Variants in KHDRBS3 observed in about 807,000 individuals in gnomAD.
KHDRBS3 encodes the protein KH domain-containing, RNA-binding, signal transduction-associated protein 3.
KHDRBS3 carries 23 observed loss-of-function variants against 45.6 expected under a neutral mutation model. The observed-to-expected ratio is 0.50, with a 90% CI of 0.36 to 0.72. The LOEUF is 0.72. Among genes scored for constraint, KHDRBS3 ranks in the 30% least tolerant of loss-of-function variants. The pLI is 0.00. For synonymous variants in KHDRBS3, 162 were observed against 156.5 expected, an observed-to-expected ratio of 1.04 and a Z score of -0.26; for missense variants, 352 against 424.8, an observed-to-expected ratio of 0.83 and a Z score of 1.51.
intron 4 of KHDRBS3, among the ~76,000 whole-genome samples, chr8:135,550,290 A>C (rs1826523369): frequency 6.6e-6 from 1 of 152,166 alleles, no homozygotes; most frequent in Non-Finnish European, 1.5e-5. Flanking sequence ...CTCACACAGA[A>C]TCTGGACTGG....
intron 1 of KHDRBS3, among the ~76,000 whole-genome samples, chr8:135,459,890 A>G (rs964752375): frequency 6.6e-6 from 1 of 152,196 alleles, no homozygotes; most frequent in Non-Finnish European, 1.5e-5. Context: ...TGATAAACTT[A>G]CTTTTCATAG....
intron 1 of KHDRBS3, among the ~76,000 whole-genome samples, chr8:135,505,871 CA>C (rs57494667): frequency 0.088 from 13,406 of 151,832 alleles, 1,004 homozygotes; most frequent in African/African-American, 0.21. Flanking sequence ...AGTTTAGAAC[CA>C]TCACTCTGAT....
intron 7 of KHDRBS3, among the ~76,000 whole-genome samples, chr8:135,615,536 T>A (rs994312428): frequency 6.6e-6 from 1 of 152,164 alleles, no homozygotes; most frequent in South Asian, 2.1e-4. Flanking sequence ...TATACTAGTG[T>A]TTTTCAAAGA....
chr8:135,584,083 C>T (rs1045085109), intron 6 of KHDRBS3, among the ~76,000 whole-genome samples: 1 of 152,132 alleles, frequency 6.6e-6, no homozygotes, highest in Non-Finnish European at 1.5e-5. Flanking sequence ...TTTTCCAGAA[C>T]CAGACAAAGG....
intron 5 of KHDRBS3, among the ~76,000 whole-genome samples, chr8:135,570,853 C>T (rs1440980633): frequency 6.6e-6 from 1 of 152,146 alleles, no homozygotes; most frequent in Non-Finnish European, 1.5e-5. Context: ...TGAAATCAGC[C>T]TTCAGTATTC....
intron 7 of KHDRBS3, among the ~76,000 whole-genome samples, chr8:135,618,350 T>C (rs1195635920): frequency 6.6e-6 from 1 of 152,182 alleles, no homozygotes; most frequent in Non-Finnish European, 1.5e-5. Flanking sequence ...GATAGTAATA[T>C]AATTAATTTA....
chr8:135,459,089 C>T (rs531628742), intron 1 of KHDRBS3, among the ~76,000 whole-genome samples: 1 of 152,164 alleles, frequency 6.6e-6, no homozygotes, highest in South Asian at 2.1e-4. Context: ...CTGTGGTTCC[C>T]TAGATGAATC....
At chr8:135,619,292 G>A (rs1830041722) in intron 7 of KHDRBS3, among the ~76,000 whole-genome samples, 1 of 151,998 alleles carries the variant, frequency 6.6e-6, no homozygotes, top group African/African-American at 2.4e-5. Context: ...TCATCCAATT[G>A]CAACCTTTTT....
chr8:135,565,965 T>A (rs1307684206), intron 5 of KHDRBS3, among the ~76,000 whole-genome samples: 1 of 152,166 alleles, frequency 6.6e-6, no homozygotes, highest in African/African-American at 2.4e-5. Context: ...TTGCCTAAGG[T>A]TTGATTTGGT....
At chr8:135,614,802 G>A (rs1413763140) in intron 7 of KHDRBS3, among the ~76,000 whole-genome samples, 4 of 151,826 alleles carry the variant, frequency 2.6e-5, no homozygotes, top group East Asian at 3.8e-4. Context: ...GCTTGTTAAA[G>A]CACAGTAAGG....
In KHDRBS3 at chr8:135,559,425, T is replaced by C. The variant is rs532859466; in HGVS notation, c.611+1838T>C. On this transcript the variant is annotated intron_variant, in intron 5 of 8. Transcript: ENST00000355849. ...TGGAGTGCAGTAGCACGATCTTGGC[T>C]CACTGCAACCTCCACCTCCCGGGTT... Among the ~76,000 whole-genome samples the C allele has an allele frequency of 3.9e-5, 6 of 152,336 alleles. No homozygotes were observed. In the East Asian group the frequency reaches 9.6e-4, roughly 24 times the overall value.
chr8:135,536,234 GTTTTTTT>G (rs374782370), intron 2 of KHDRBS3, among the ~76,000 whole-genome samples: 38 of 86,412 alleles, frequency 4.4e-4, no homozygotes, highest in African/African-American at 1.3e-3. Context: ...TTTCTGTCCA[GTTTTTTT>G]TTTTTTTTTT....
chr8:135,609,882 C>T (rs1308974187), intron 7 of KHDRBS3, among the ~76,000 whole-genome samples: 2 of 151,636 alleles, frequency 1.3e-5, no homozygotes, highest in Non-Finnish European at 2.9e-5. Flanking sequence ...AAAAGAGAAG[C>T]GACTTAATAT....
downstream of KHDRBS3, among the ~76,000 whole-genome samples, chr8:135,651,089 C>G (rs1002753132): frequency 5.3e-5 from 8 of 152,166 alleles, no homozygotes; most frequent in African/African-American, 1.9e-4. Flanking sequence ...ATGTGTAACC[C>G]AGGCAAGTTG....
intron 1 of KHDRBS3, among the ~76,000 whole-genome samples, chr8:135,511,107 G>A (rs1824261621): frequency 6.6e-6 from 1 of 152,084 alleles, no homozygotes; most frequent in African/African-American, 2.4e-5. Context: ...AGATCTCTCT[G>A]CTACAGTAAT....
chr8:135,493,746 T>C (rs1823274341), intron 1 of KHDRBS3, among the ~76,000 whole-genome samples: 1 of 152,178 alleles, frequency 6.6e-6, no homozygotes. Context: ...TATGTAGTTT[T>C]CTTTTTCTTG....
chr8:135,590,057 C>T (rs764436116), intron 6 of KHDRBS3, among the ~76,000 whole-genome samples: 6 of 152,134 alleles, frequency 3.9e-5, no homozygotes, highest in Non-Finnish European at 7.3e-5. Context: ...CATCATTAGG[C>T]GATTTCATCA....
chr8:135,579,303 C>T (rs1828091756), intron 5 of KHDRBS3, among the ~76,000 whole-genome samples: 1 of 152,148 alleles, frequency 6.6e-6, no homozygotes, highest in Non-Finnish European at 1.5e-5. Context: ...TTCAGTTGCT[C>T]ACAATTCAAT....
intron 1 of KHDRBS3, chr8:135,458,698 G>A (rs954911683): frequency 2.2e-5 from 8 of 369,242 alleles, no homozygotes; most frequent in South Asian, 1.6e-4. Flanking sequence ...GTTGGGTTGG[G>A]TGACCCTCAT....
Sources: allele counts gnomAD v4.1 joint callset (sites outside exome capture counted in the v4.1 genomes callset), GRCh38; gene constraint gnomAD v4.1.1; transcripts MANE v1.5; gene names NCBI Gene and HGNC (gene_info 2026-07-23, HGNC 2026-07-21).